Variants in MAGI2 observed in about 807,000 individuals in gnomAD.
The protein encoded by MAGI2 is membrane associated guanylate kinase, WW and PDZ domain containing 2.
In MAGI2, 35 loss-of-function variants were observed where a neutral mutation model predicts 133.3. The observed-to-expected ratio is 0.26, with a 90% confidence interval of 0.20 to 0.35. The LOEUF (loss-of-function observed/expected upper bound fraction) is 0.35, where lower values mean the gene tolerates loss of function less well. Among genes scored for constraint, MAGI2 ranks in the 10% least tolerant of loss-of-function variants. The pLI is 1.00. For missense variants in MAGI2, 1,636 were observed against 1,863.4 expected (o/e 0.88, Z 2.25); for synonymous variants, 729 against 710.6 (o/e 1.03, Z -0.41).
At chr7:78,982,754 GAAGGT>G (rs55966747) in intron 2 of MAGI2, among the ~76,000 whole-genome samples, 114,550 of 151,016 alleles carry the variant, frequency 0.76, 43,774 homozygotes, top group African/African-American at 0.85. Flanking sequence ...GAAGGGAAGG[GAAGGT>G]ACTACTACAC....
At chr7:79,325,216 G>A (rs1839598452) in intron 1 of MAGI2, among the ~76,000 whole-genome samples, 1 of 152,000 alleles carries the variant, frequency 6.6e-6, no homozygotes, top group Non-Finnish European at 1.5e-5. Flanking sequence ...ACTTTAGCAT[G>A]CCACTGTCGC....
In MAGI2 at chr7:78,561,121, G is replaced by A. The variant is rs142259006; in HGVS notation, c.539-39476C>T. On this transcript the variant is annotated intron_variant, in intron 3 of 21. Coordinates refer to ENST00000354212, the MANE Select transcript of MAGI2 (RefSeq NM_012301.4). ...ATCTTTGGAGTAAATGAACACACAC[G>A]TGTCAGGATTAATAGAAGGAAAAGA... Among the ~76,000 whole-genome samples, 517 of 152,232 alleles carry A rather than the reference G, an allele frequency of 3.4e-3. 6 individuals are homozygous for A. The highest frequency in any genetic ancestry group is 0.011 in the African/African-American group (469 of 41,544).
chr7:79,298,770 T>A (rs1837145712), intron 1 of MAGI2, among the ~76,000 whole-genome samples: 1 of 152,072 alleles, frequency 6.6e-6, no homozygotes, highest in South Asian at 2.1e-4. Flanking sequence ...GGTAGTGAAT[T>A]TAGAATGAGC....
chr7:78,078,739 G>A, intron 21 of MAGI2: 1 of 616,254 alleles, frequency 1.6e-6, no homozygotes, highest in Non-Finnish European at 2.8e-6. Flanking sequence ...GCAAAAGAAA[G>A]AGTTCACACA....
At chr7:79,223,003 G>A (rs1830566944) in intron 1 of MAGI2, among the ~76,000 whole-genome samples, 1 of 151,974 alleles carries the variant, frequency 6.6e-6, no homozygotes, top group Non-Finnish European at 1.5e-5. Context: ...TCCTGCCTCT[G>A]CCTCCCGAGT....
At chr7:78,548,061 C>A (rs1002565881) in intron 3 of MAGI2, among the ~76,000 whole-genome samples, 1 of 152,260 alleles carries the variant, frequency 6.6e-6, no homozygotes, top group African/African-American at 2.4e-5. Context: ...AACTTCCTAA[C>A]CCCTTTCTCA....
chr7:78,133,050 G>T lies in MAGI2; in HGVS notation c.3042C>A (p.Ser1014Arg). The change falls in exon 18 of 22, where the codon AGC becomes AGA. Residue 1014 changes from serine (S) to arginine (R), a missense_variant. By Grantham distance (110) the Ser-to-Arg change is moderately radical. Around this residue, in one of 5 missense-constraint regions of MAGI2, gnomAD observed 920 missense variants for 1,093.5 expected, o/e 0.84. Coordinates refer to ENST00000354212, the MANE Select transcript of MAGI2 (RefSeq NM_012301.4). The part of the protein sequence containing the change: ...LRIIPQEELN[S>R]PTSAPSSEKQ... ...TCTCTGAGCTGGGTGCCGAGGTGGG[G>T]CTGTTGAGCTCTGCGATGGAGAACC... The T allele has an allele frequency of 1.3e-6, 2 of 1,566,112 alleles. No homozygotes were observed. Among genetic ancestry groups the T allele is most frequent in the Non-Finnish European group, 1.7e-6 (2 of 1,160,176 alleles).
chr7:78,129,165 A>G (rs1821291241), intron 18 of MAGI2, among the ~76,000 whole-genome samples: 1 of 152,168 alleles, frequency 6.6e-6, no homozygotes, highest in Non-Finnish European at 1.5e-5. Context: ...GGTGAAATGT[A>G]AGAATTTCCC....
At chr7:78,768,351 C>A (rs1825236415) in intron 2 of MAGI2, among the ~76,000 whole-genome samples, 1 of 152,210 alleles carries the variant, frequency 6.6e-6, no homozygotes. Context: ...TTCCCCAAAG[C>A]ACACCATGTA....
At chr7:78,382,236 A>C (rs997321351) in intron 6 of MAGI2, among the ~76,000 whole-genome samples, 1 of 152,144 alleles carries the variant, frequency 6.6e-6, no homozygotes, top group Non-Finnish European at 1.5e-5. Context: ...AAACTAAAGA[A>C]ACTACTTAAC....
chr7:79,100,640 T>TA (rs1351758462), intron 1 of MAGI2, among the ~76,000 whole-genome samples: 6 of 151,540 alleles, frequency 4.0e-5, no homozygotes, highest in Non-Finnish European at 7.4e-5. Context: ...TGGTTTAAGT[T>TA]AAAATTTTTT....
chr7:78,984,281 C>A (rs1805048763), intron 2 of MAGI2, among the ~76,000 whole-genome samples: 1 of 152,006 alleles, frequency 6.6e-6, no homozygotes, highest in Non-Finnish European at 1.5e-5. Flanking sequence ...TCCTGTTCAG[C>A]ATTCTCCATA....
chr7:79,136,966 T>G (rs932640721), intron 1 of MAGI2, among the ~76,000 whole-genome samples: 2 of 152,114 alleles, frequency 1.3e-5, no homozygotes, highest in African/African-American at 4.8e-5. Flanking sequence ...GAAAATCTGT[T>G]ACTGTATTTA....
chr7:78,205,096 T>A (rs182200916), intron 10 of MAGI2, among the ~76,000 whole-genome samples: 1 of 152,254 alleles, frequency 6.6e-6, no homozygotes, highest in Non-Finnish European at 1.5e-5. Context: ...GATTTCATTA[T>A]TGAAATGTAA....
At chr7:78,197,588 CCATGG>C in intron 11 of MAGI2, among the ~76,000 whole-genome samples, 1 of 152,278 alleles carries the variant, frequency 6.6e-6, no homozygotes, top group East Asian at 1.9e-4. Context: ...GGGAAGGCTG[CCATGG>C]CAGATTGACA....
At chr7:79,096,766 T>C (rs142521023) in intron 1 of MAGI2, among the ~76,000 whole-genome samples, 1 of 152,306 alleles carries the variant, frequency 6.6e-6, no homozygotes, top group Admixed American at 6.5e-5. Context: ...ACTGTATCTA[T>C]GCATCACTTC....
chr7:78,130,209 G>A (rs1250796480), intron 18 of MAGI2, among the ~76,000 whole-genome samples: 1 of 152,114 alleles, frequency 6.6e-6, no homozygotes, highest in Non-Finnish European at 1.5e-5. Flanking sequence ...TATGCTTCCT[G>A]AGCACACACC....
At chr7:78,098,113 G>A (rs545814285) in intron 20 of MAGI2, among the ~76,000 whole-genome samples, 1 of 152,090 alleles carries the variant, frequency 6.6e-6, no homozygotes, top group Non-Finnish European at 1.5e-5. Context: ...GTTTAATTAG[G>A]TTAATATTGT....
chr7:79,186,644 A>G (rs1381378637), intron 1 of MAGI2, among the ~76,000 whole-genome samples: 1 of 128,808 alleles, frequency 7.8e-6, no homozygotes, highest in Non-Finnish European at 1.5e-5. Flanking sequence ...GTATAAGTGC[A>G]TATATATAAT....
Sources: allele counts gnomAD v4.1 joint callset (sites outside exome capture counted in the v4.1 genomes callset), GRCh38; gene constraint gnomAD v4.1.1; regional missense constraint gnomAD v4.1.1; transcripts MANE v1.5; gene names NCBI Gene and HGNC (gene_info 2026-07-23, HGNC 2026-07-21).